The following OPHN1 variants were observed in gnomAD, a reference collection of about 807,000 sequenced individuals.
OPHN1 encodes oligophrenin 1, also known as oligophrenin-1.
OPHN1 carries 11 observed loss-of-function variants against 60.7 expected under a neutral mutation model. The ratio of observed to expected loss-of-function variants is 0.18; its 90% CI spans 0.11 to 0.30. The LOEUF is 0.30. Among genes scored for constraint, OPHN1 ranks in the 10% least tolerant of loss-of-function variants. The probability of loss-of-function intolerance (pLI) is 1.00; values close to 1 mark genes in which losing one functional copy is unlikely to be tolerated. For synonymous variants in OPHN1, 226 were observed against 222.6 expected, an observed-to-expected ratio of 1.02 and a Z score of -0.14; for missense variants, 449 against 611.0, an observed-to-expected ratio of 0.73 and a Z score of 2.80.
intron 23 of OPHN1, among the ~76,000 whole-genome samples, chrX:68,049,091 C>A (rs889553989): frequency 2.7e-5 from 3 of 111,049 alleles, no homozygotes. Flanking sequence ...TACTAGGGAC[C>A]TCCCCACAAC....
intron 15 of OPHN1, among the ~76,000 whole-genome samples, chrX:68,183,363 A>G (rs1414359121): frequency 4.5e-5 from 5 of 112,089 alleles, no homozygotes; most frequent in Non-Finnish European, 7.5e-5. Flanking sequence ...ACCTGAAGAA[A>G]ATTAAGAAGC....
intron 19 of OPHN1, among the ~76,000 whole-genome samples, chrX:68,089,746 C>A (rs1189645469): frequency 1.8e-5 from 2 of 111,543 alleles, no homozygotes; most frequent in Non-Finnish European, 3.8e-5. Flanking sequence ...CTACATTTAT[C>A]ACCCTATCTC....
chrX:68,308,091 C>T (rs1224154920), intron 2 of OPHN1, among the ~76,000 whole-genome samples: 2 of 112,079 alleles, frequency 1.8e-5, no homozygotes, highest in Non-Finnish European at 1.9e-5. Context: ...TTAGTCTTGC[C>T]TCTGGAACAA....
intron 5 of OPHN1, among the ~76,000 whole-genome samples, chrX:68,240,329 A>T (rs2077774620): frequency 8.9e-6 from 1 of 112,036 alleles, no homozygotes; most frequent in Non-Finnish European, 1.9e-5. Flanking sequence ...TCTCCTTTAC[A>T]CTAGTAATGA....
At chrX:68,149,785 T>G (rs2077277699) in intron 15 of OPHN1, among the ~76,000 whole-genome samples, 1 of 108,528 alleles carries the variant, frequency 9.2e-6, no homozygotes, top group Admixed American at 9.9e-5. Context: ...CCTGTAATTC[T>G]ACTCCTAGTT....
chrX:68,270,159 A>G (rs922882648), intron 5 of OPHN1, among the ~76,000 whole-genome samples: 3 of 111,239 alleles, frequency 2.7e-5, no homozygotes, highest in African/African-American at 9.9e-5. Context: ...AACTAGTTCA[A>G]CCCTTGTGGA....
intron 5 of OPHN1, among the ~76,000 whole-genome samples, chrX:68,239,494 G>A (rs2077770211): frequency 9.0e-6 from 1 of 111,604 alleles, no homozygotes; most frequent in Non-Finnish European, 1.9e-5. Context: ...CAGGGGTGGA[G>A]CCCTAGCCAG....
At chrX:68,054,491 G>A (rs143229279) in intron 21 of OPHN1, among the ~76,000 whole-genome samples, 5 of 110,125 alleles carry the variant, frequency 4.5e-5, no homozygotes, top group Admixed American at 9.7e-5. Flanking sequence ...CATATGAGAC[G>A]GTTCATACTC....
chrX:68,403,357 C>A (rs1405742557), intron 2 of OPHN1, among the ~76,000 whole-genome samples: 1 of 111,595 alleles, frequency 9.0e-6, no homozygotes, highest in Non-Finnish European at 1.9e-5. Context: ...AAAAAGGCAG[C>A]AAATAAGTTT....
At chrX:68,395,101 A>G (rs1331687129) in intron 2 of OPHN1, among the ~76,000 whole-genome samples, 1 of 109,237 alleles carries the variant, frequency 9.2e-6, no homozygotes, top group African/African-American at 3.3e-5. Context: ...GATTACAGGC[A>G]TGCACCACCA....
intron 2 of OPHN1, among the ~76,000 whole-genome samples, chrX:68,302,397 T>A (rs1319170894): frequency 9.1e-6 from 1 of 110,191 alleles, no homozygotes; most frequent in Admixed American, 9.7e-5. Context: ...GAAACCAGAC[T>A]GGCCAACATG....
At chrX:68,103,104 T>A (rs763365873) in intron 18 of OPHN1, among the ~76,000 whole-genome samples, 10 of 112,109 alleles carry the variant, frequency 8.9e-5, no homozygotes, top group Non-Finnish European at 1.5e-4. Context: ...ATATCCCTGA[T>A]GAACATTGAT....
chrX:68,219,581 T>C (rs1256540161), intron 6 of OPHN1, among the ~76,000 whole-genome samples: 5 of 110,644 alleles, frequency 4.5e-5, no homozygotes, highest in Non-Finnish European at 9.5e-5. Context: ...ACAAACTATC[T>C]CTCAGACCAC....
intron 18 of OPHN1, among the ~76,000 whole-genome samples, chrX:68,107,016 G>A (rs775285650): frequency 7.6e-4 from 85 of 111,620 alleles, no homozygotes; most frequent in African/African-American, 2.7e-3. Context: ...CTTTTATTCT[G>A]TCTATATTTT....
intron 20 of OPHN1, chrX:68,071,002 A>G (rs1602136562): frequency 2.6e-6 from 3 of 1,135,775 alleles, no homozygotes; most frequent in African/African-American, 1.8e-5. Flanking sequence ...CTCTTCATCA[A>G]ACAGAGAAGT....
At chrX:68,111,031 T>C (rs1483586419) in intron 18 of OPHN1, among the ~76,000 whole-genome samples, 1 of 112,356 alleles carries the variant, frequency 8.9e-6, no homozygotes, top group Non-Finnish European at 1.9e-5. Context: ...GAGGTTAAAA[T>C]GTATCATTAC....
At chrX:68,417,218 A>T (rs2078803800) in intron 2 of OPHN1, among the ~76,000 whole-genome samples, 1 of 111,244 alleles carries the variant, frequency 9.0e-6, no homozygotes, top group Non-Finnish European at 1.9e-5. Flanking sequence ...TCAGCCTCCC[A>T]AATAGCTGGG....
chrX:68,408,049 C>T (rs1483573687), intron 2 of OPHN1, among the ~76,000 whole-genome samples: 1 of 112,122 alleles, frequency 8.9e-6, no homozygotes, highest in Admixed American at 9.5e-5. Context: ...AAGCAACCCT[C>T]CTGCCTCAGC....
At chrX:68,247,755 CA>C (rs61255783) in intron 5 of OPHN1, among the ~76,000 whole-genome samples, 6,818 of 51,096 alleles carry the variant, frequency 0.13, 677 homozygotes, top group African/African-American at 0.36. Flanking sequence ...CCAGTCTCTA[CA>C]AAAAAAAAAA....
Sources: allele counts gnomAD v4.1 joint callset (sites outside exome capture counted in the v4.1 genomes callset), GRCh38; gene constraint gnomAD v4.1.1; transcripts MANE v1.5; gene names NCBI Gene and HGNC (gene_info 2026-07-23, HGNC 2026-07-21).